NOX4: variants seen among roughly 807,000 people sequenced by gnomAD.
The protein encoded by NOX4 is kidney oxidase-1.
NOX4 carries 69 observed loss-of-function variants against 87.6 expected under a neutral mutation model. The observed-to-expected ratio is 0.79, with a 90% CI of 0.65 to 0.96. NOX4 has a LOEUF of 0.96. Among genes scored for constraint, NOX4 ranks in the 40% least tolerant of loss-of-function variants. The pLI is 0.00. For synonymous variants in NOX4, 275 were observed against 238.2 expected (o/e 1.15, Z -1.42); for missense variants, 680 against 681.5 (o/e 1.00, Z 0.02).
the NOX4 span, among the ~76,000 whole-genome samples, chr11:89,538,476 CT>C: frequency 2.0e-5 from 3 of 152,078 alleles, no homozygotes; most frequent in Admixed American, 2.0e-4. Context: ...TGAAATTCTG[CT>C]TCTGATAATG....
At chr11:89,576,377 A>G in the NOX4 span, among the ~76,000 whole-genome samples, 9 of 152,198 alleles carry the variant, frequency 5.9e-5, no homozygotes, top group Non-Finnish European at 1.3e-4. Flanking sequence ...CATGACCTAG[A>G]ATCCTTCCAA....
chr11:89,389,047 C>A (rs1227471894), intron 11 of NOX4, among the ~76,000 whole-genome samples: 1 of 152,156 alleles, frequency 6.6e-6, no homozygotes, highest in Admixed American at 6.6e-5. Context: ...GGTCTCCATC[C>A]CAAGCTGTGG....
chr11:89,335,949 C>T lies in NOX4; in HGVS notation c.1516-4G>A, dbSNP rs540624041. The T allele has an allele frequency of 1.3e-5, 21 of 1,559,210 alleles. No individual in the cohort carries two copies. In the South Asian group the frequency reaches 1.9e-4, roughly 14 times the overall value. On this transcript the variant is annotated splice_region_variant and splice_polypyrimidine_tract_variant and intron_variant, in intron 16 of 17. Coordinates refer to ENST00000263317, the MANE Select transcript of NOX4 (RefSeq NM_016931.5). ...GATATTTTTCTCCAATTATCTTCTG[C>T]CAAAAAGAAAGCACTACATTATTCG...
the NOX4 span, among the ~76,000 whole-genome samples, chr11:89,588,780 G>A: frequency 2.0e-5 from 3 of 152,136 alleles, no homozygotes; most frequent in Non-Finnish European, 4.4e-5. Context: ...TGAATGAACT[G>A]AATCTGTAGG....
At chr11:89,424,204 C>A (rs1048869209) in intron 7 of NOX4, among the ~76,000 whole-genome samples, 1 of 151,634 alleles carries the variant, frequency 6.6e-6, no homozygotes, top group South Asian at 2.1e-4. Flanking sequence ...TTGCTGCAAT[C>A]GTAAGTGGTA....
chr11:89,530,114 T>C, the NOX4 span, among the ~76,000 whole-genome samples: 1 of 152,020 alleles, frequency 6.6e-6, no homozygotes, highest in Non-Finnish European at 1.5e-5. Flanking sequence ...GATCTGCGTT[T>C]ATGTTAAATT....
intron 8 of NOX4, among the ~76,000 whole-genome samples, chr11:89,403,934 T>C (rs867736909): frequency 6.6e-6 from 1 of 152,156 alleles, no homozygotes; most frequent in African/African-American, 2.4e-5. Context: ...TCACTTCCTT[T>C]TTTAAATTTT....
intron 11 of NOX4, among the ~76,000 whole-genome samples, 158 bp from the exon 12 acceptor site, chr11:89,373,650 A>T (rs1270072662): frequency 6.6e-6 from 1 of 152,046 alleles, no homozygotes; most frequent in Non-Finnish European, 1.5e-5. Flanking sequence ...TGGAAGAAAA[A>T]AAAATCAATG....
the NOX4 span, chr11:89,545,287 T>C: frequency 6.6e-6 from 1 of 152,140 alleles, no homozygotes; most frequent in African/African-American, 2.4e-5. Flanking sequence ...AGTAGAAACC[T>C]TTGAAAGACT....
At chr11:89,449,335 A>G in intron 4 of NOX4, 105 bp downstream of exon 4, 2 of 765,254 alleles carry the variant, frequency 2.6e-6, no homozygotes, top group Non-Finnish European at 4.1e-6. Context: ...TTCTGGAAGA[A>G]TAAGATTAGG....
chr11:89,412,399 G>A (rs1345421989), intron 8 of NOX4, among the ~76,000 whole-genome samples: 2 of 151,996 alleles, frequency 1.3e-5, no homozygotes, highest in African/African-American at 4.8e-5. Flanking sequence ...TCATTCTCAA[G>A]GATCATATGT....
the NOX4 span, among the ~76,000 whole-genome samples, chr11:89,513,940 C>T: frequency 1.3e-5 from 2 of 151,960 alleles, no homozygotes; most frequent in Admixed American, 6.6e-5. Context: ...CATTTTACCA[C>T]GTTATGACCC....
At chr11:89,492,122 T>G (rs553745359), upstream of NOX4, 1 of 152,332 alleles carries the variant, frequency 6.6e-6, no homozygotes, top group African/African-American at 2.4e-5. Context: ...TTTTAATACC[T>G]AGTCTGTTTG....
chr11:89,559,705 A>T, the NOX4 span, among the ~76,000 whole-genome samples: 2 of 152,172 alleles, frequency 1.3e-5, no homozygotes, highest in Non-Finnish European at 2.9e-5. Flanking sequence ...ATGTTTATAT[A>T]TTTAATTTTT....
chr11:89,560,001 G>A, the NOX4 span, among the ~76,000 whole-genome samples: 3 of 152,084 alleles, frequency 2.0e-5, no homozygotes, highest in Non-Finnish European at 4.4e-5. Flanking sequence ...ATCTATGAAT[G>A]CGACCTCATT....
chr11:89,507,400 A>G, the NOX4 span, among the ~76,000 whole-genome samples: 1 of 151,246 alleles, frequency 6.6e-6, no homozygotes, highest in South Asian at 2.1e-4. Flanking sequence ...ATAATAATAC[A>G]CATAATAGGT....
At chr11:89,572,775 T>C in the NOX4 span, among the ~76,000 whole-genome samples, 1 of 152,174 alleles carries the variant, frequency 6.6e-6, no homozygotes, top group African/African-American at 2.4e-5. Context: ...TTTTTACATA[T>C]ATCTCTTAAA....
chr11:89,490,544 G>C lies in NOX4; in HGVS notation c.67C>G (p.Leu23Val), dbSNP rs370485352. 34 of 1,613,542 alleles carry C rather than the reference G, an allele frequency of 2.1e-5. No individual in the cohort carries two copies. In the African/African-American group the frequency reaches 4.5e-4, roughly 22 times the overall value. The change falls in exon 2 of 18, where the codon CTC (leucine) becomes GTC (valine). Residue 23 changes from leucine to valine, a missense_variant. Transcript: ENST00000263317. ...CAGAAAAGCAGGACATTCATGGAGA[G>C]CCAGATGAACTAAACCAATCAGACA... is the stretch of plus-strand genomic sequence containing the variant. ...GVKHLCLFIW[L>V]SMNVLLFWKT...
intron 8 of NOX4, among the ~76,000 whole-genome samples, chr11:89,405,648 A>T (rs1942129244): frequency 6.6e-6 from 1 of 151,494 alleles, no homozygotes; most frequent in Admixed American, 6.6e-5. Flanking sequence ...CTCAAGTATG[A>T]CATCCCAGGT....
Sources: allele counts gnomAD v4.1 joint callset (sites outside exome capture counted in the v4.1 genomes callset), GRCh38; gene constraint gnomAD v4.1.1; transcripts MANE v1.5; gene names NCBI Gene and HGNC (gene_info 2026-07-23, HGNC 2026-07-21).